NUFIP1: variants seen among roughly 807,000 people sequenced by gnomAD.
NUFIP1 encodes the protein nuclear FMR1 interacting protein 1.
In NUFIP1, 38 loss-of-function variants were observed where a neutral mutation model predicts 56.2. That is an observed-to-expected ratio of 0.68 (90% CI 0.52 to 0.89). The LOEUF is 0.89. Ranked by LOEUF, NUFIP1 falls within the 40% of genes least tolerant of loss-of-function variation. The probability of loss-of-function intolerance (pLI) is 0.00; values close to 1 mark genes in which losing one functional copy is unlikely to be tolerated. For synonymous variants in NUFIP1, 215 were observed against 212.4 expected (o/e 1.01, Z -0.10); for missense variants, 567 against 605.8 (o/e 0.94, Z 0.67).
At chr13:44,988,981 G>T in intron 1 of NUFIP1, 44 bp downstream of exon 1, 6 of 1,596,966 alleles carry the variant, frequency 3.8e-6, no homozygotes, top group Non-Finnish European at 5.1e-6. Flanking sequence ...GAAAGAACGG[G>T]GGAAAAAGGT....
intron 5 of NUFIP1, among the ~76,000 whole-genome samples, chr13:44,975,528 C>T (rs1239421513): frequency 6.6e-6 from 1 of 152,184 alleles, no homozygotes; most frequent in African/African-American, 2.4e-5. Context: ...AAATGTTCTA[C>T]ATCCACCTAG....
rs1452994317 is a variant in NUFIP1, at chr13:44,943,403, G to A, written c.1371+39C>T. On this transcript the variant is annotated intron_variant, in intron 9 of 9. Coordinates refer to ENST00000379161, the MANE Select transcript of NUFIP1 (RefSeq NM_012345.3). ...CCCAGTGGCTCTATCTTTATGATGTGAGAACACAAAGATTAGAACCTAAAG... is the reference window on the plus strand; with the variant it reads ...CCCAGTGGCTCTATCTTTATGATGTAAGAACACAAAGATTAGAACCTAAAG... 4.5e-6 allele frequency: 7 copies of A among 1,547,876 alleles called. No individual in the cohort carries two copies. In the South Asian group the frequency reaches 5.7e-5, roughly 13 times the overall value.
At chr13:44,948,730 A>C (rs1230403399) in intron 8 of NUFIP1, among the ~76,000 whole-genome samples, 1 of 152,228 alleles carries the variant, frequency 6.6e-6, no homozygotes, top group Non-Finnish European at 1.5e-5. Flanking sequence ...TCTTTCAGGT[A>C]GCCCTGAAAG....
chr13:44,986,731 G>T (rs892238953), intron 1 of NUFIP1, among the ~76,000 whole-genome samples: 4 of 151,590 alleles, frequency 2.6e-5, no homozygotes, highest in Non-Finnish European at 4.4e-5. Context: ...CACAAGATGT[G>T]ACTTGCTGCA....
At position 44,980,774 on chromosome 13, in the gene NUFIP1, C is replaced by T. The variant is rs765135994; in HGVS notation, c.542G>A (p.Arg181His). 2.4e-5 allele frequency: 38 copies of T among 1,604,180 alleles called. No individual in the cohort carries two copies. The highest frequency in any genetic ancestry group is 1.8e-4 in the Middle Eastern group (1 of 5,522). Residue 181 changes from arginine to histidine, a missense_variant, in exon 3 of 10, where the codon CGT becomes CAT. Coordinates refer to ENST00000379161, the MANE Select transcript of NUFIP1 (RefSeq NM_012345.3). ...ATACTTTTCTTGATTTTTAAAACCACGATCACAGGTATCACAAAAAAAGTG... is the reference window on the plus strand; with the variant it reads ...ATACTTTTCTTGATTTTTAAAACCATGATCACAGGTATCACAAAAAAAGTG... ...VFHFFCDTCD[R>H]GFKNQEKYDK...
intron 5 of NUFIP1, among the ~76,000 whole-genome samples, chr13:44,967,527 AAG>A (rs1253377071): frequency 6.6e-6 from 1 of 152,114 alleles, no homozygotes; most frequent in Non-Finnish European, 1.5e-5. Flanking sequence ...AAAAAAGTGA[AAG>A]AGATATCTGG....
In NUFIP1 at chr13:44,950,535, T is replaced by C. The variant is rs113445056; in HGVS notation, c.1022-697A>G. Reference sequence around the variant, plus strand: ...TAATTTTTTGTATTTTTAGTAGAGATGCGGATTCACCATGTTGGCCAGGCT... The same window carrying C: ...TAATTTTTTGTATTTTTAGTAGAGACGCGGATTCACCATGTTGGCCAGGCT... On this transcript the variant is annotated intron_variant, in intron 7 of 9. Coordinates refer to ENST00000379161, the MANE Select transcript of NUFIP1 (RefSeq NM_012345.3). 8.3e-3 allele frequency among the ~76,000 whole-genome samples: 1,264 copies of C among 152,240 alleles called. 15 individuals carry two copies. Among genetic ancestry groups the C allele is most frequent in the African/African-American group, 0.029 (1,193 of 41,518 alleles).
chr13:44,984,023 C>A (rs1377187460), intron 1 of NUFIP1, among the ~76,000 whole-genome samples: 1 of 152,110 alleles, frequency 6.6e-6, no homozygotes, highest in Non-Finnish European at 1.5e-5. Flanking sequence ...TTCCTAGAGA[C>A]CTTCCATGAG....
At chr13:44,961,153 G>T (rs1871410862) in intron 6 of NUFIP1, among the ~76,000 whole-genome samples, 1 of 152,018 alleles carries the variant, frequency 6.6e-6, no homozygotes, top group African/African-American at 2.4e-5. Flanking sequence ...TTAAAAAAAG[G>T]TTCCTTCATA....
At position 44,989,048 on chromosome 13, in the gene NUFIP1, T is replaced by C. The variant is rs199660590; in HGVS notation, c.389A>G (p.His130Arg). 2 of 1,614,086 alleles carry C rather than the reference T, an allele frequency of 1.2e-6. No individual in the cohort carries two copies. The highest frequency in any genetic ancestry group is 1.7e-6 in the Non-Finnish European group (2 of 1,180,002). ...WRQSSDRFPRHQKSFNPAVKN... is the reference protein window; with the variant it reads ...WRQSSDRFPRRQKSFNPAVKN... Reference sequence around the variant, plus strand: ...ACCTGCAGGGTTGAAGGACTTCTGATGCCGAGGAAACCTATCAGAAGACTG... The same window carrying C: ...ACCTGCAGGGTTGAAGGACTTCTGACGCCGAGGAAACCTATCAGAAGACTG... The change falls in exon 1 of 10, where the codon CAT (histidine) becomes CGT (arginine). Residue 130 changes from histidine to arginine, a missense_variant. Coordinates refer to ENST00000379161, the MANE Select transcript of NUFIP1 (RefSeq NM_012345.3).
chr13:44,966,810 C>T (rs1871619907), intron 5 of NUFIP1, among the ~76,000 whole-genome samples: 1 of 151,250 alleles, frequency 6.6e-6, no homozygotes, highest in Non-Finnish European at 1.5e-5. Context: ...ACCATCTCTA[C>T]TAAAATACAA....
chr13:44,948,993 C>A (rs931213801), intron 8 of NUFIP1, among the ~76,000 whole-genome samples: 3 of 151,960 alleles, frequency 2.0e-5, no homozygotes, highest in Admixed American at 6.5e-5. Flanking sequence ...AAGAACAATG[C>A]CCTATATGCA....
In NUFIP1 at chr13:44,978,283, C is replaced by G. The variant is rs114702678; in HGVS notation, c.734+907G>C. On this transcript the variant is annotated intron_variant, in intron 5 of 9. Transcript: ENST00000379161. ...CCACGACAGTGGATTTAAAGTGAAC[C>G]TTAAACTAAGGCGAGCCAAGTACAA... is the stretch of plus-strand genomic sequence containing the variant. Among the ~76,000 whole-genome samples, 619 of 152,284 alleles carry G rather than the reference C, an allele frequency of 4.1e-3. 3 individuals are homozygous for G. Among genetic ancestry groups the G allele is most frequent in the African/African-American group, 0.014 (572 of 41,564 alleles).
chr13:44,962,454 G>A (rs1356302477), intron 6 of NUFIP1, among the ~76,000 whole-genome samples: 3 of 152,108 alleles, frequency 2.0e-5, no homozygotes, highest in East Asian at 1.9e-4. Flanking sequence ...AGCTTTCTTA[G>A]TTGCTGTTCT....
intron 7 of NUFIP1, among the ~76,000 whole-genome samples, chr13:44,953,281 A>C (rs1871135295): frequency 1.3e-5 from 2 of 152,128 alleles, no homozygotes. Context: ...TAATTAATAA[A>C]TATTTTGGGG....
At chr13:44,985,086 G>A (rs1159841043) in intron 1 of NUFIP1, among the ~76,000 whole-genome samples, 1 of 152,180 alleles carries the variant, frequency 6.6e-6, no homozygotes, top group Non-Finnish European at 1.5e-5. Flanking sequence ...CAAAGTTGGA[G>A]AATGGTTTTA....
At chr13:44,985,947 C>T (rs1255115603) in intron 1 of NUFIP1, among the ~76,000 whole-genome samples, 3 of 152,182 alleles carry the variant, frequency 2.0e-5, no homozygotes, top group Admixed American at 6.5e-5. Flanking sequence ...TTGTGCCAAA[C>T]GGCTAGCCAA....
chr13:44,976,765 T>C (rs1237331892), intron 5 of NUFIP1, among the ~76,000 whole-genome samples: 1 of 152,196 alleles, frequency 6.6e-6, no homozygotes, highest in East Asian at 1.9e-4. Context: ...CTTACAGTTT[T>C]GGTGGCTGGG....
At chr13:44,978,965 C>T (rs1192429550) in intron 5 of NUFIP1, among the ~76,000 whole-genome samples, 2 of 152,154 alleles carry the variant, frequency 1.3e-5, no homozygotes, top group African/African-American at 4.8e-5. Context: ...ATGCAGTAGC[C>T]CCCCTCAAAG....
Sources: allele counts gnomAD v4.1 joint callset (sites outside exome capture counted in the v4.1 genomes callset), GRCh38; gene constraint gnomAD v4.1.1; transcripts MANE v1.5; gene names NCBI Gene and HGNC (gene_info 2026-07-23, HGNC 2026-07-21).